SSUH2: variants seen among roughly 807,000 people sequenced by gnomAD.
SSUH2 encodes protein SSUH2 homolog.
In SSUH2, 47 loss-of-function variants were observed where a neutral mutation model predicts 55.3. The ratio of observed to expected loss-of-function variants is 0.85; its 90% confidence interval spans 0.67 to 1.08. SSUH2 has a LOEUF of 1.08. Among genes scored for constraint, SSUH2 ranks in the 50% least tolerant of loss-of-function variants. SSUH2 has a pLI of 0.00. For missense variants in SSUH2, 535 were observed against 490.7 expected (o/e 1.09, Z -0.85); for synonymous variants, 212 against 191.5 (o/e 1.11, Z -0.89).
rs776853247 is a variant in SSUH2, at chr3:8,626,345, C to A, written c.675-24G>T. 2.5e-6 allele frequency: 4 copies of A among 1,598,176 alleles called. No homozygotes were observed. The African/African-American group carries it at 4.0e-5, about 16-fold the overall frequency. ...ATCTGAGAAAGGCACAGAGTCCGTA[C>A]CCCCAGATCAGTTGCAGGTCCTGGT... is the stretch of plus-strand genomic sequence containing the variant. On this transcript the variant is annotated intron_variant, in intron 8 of 11. Coordinates refer to ENST00000544814, the MANE Select transcript of SSUH2 (RefSeq NM_001256748.3).
At chr3:8,662,851 C>A (rs1172514880) in intron 6 of SSUH2, among the ~76,000 whole-genome samples, 3 of 152,242 alleles carry the variant, frequency 2.0e-5, no homozygotes. Flanking sequence ...GAAGATGGCT[C>A]CAGGCTCCAG....
At chr3:8,636,282 T>G (rs1699913322) in intron 1 of SSUH2, among the ~76,000 whole-genome samples, 1 of 152,172 alleles carries the variant, frequency 6.6e-6, no homozygotes, top group Non-Finnish European at 1.5e-5. Flanking sequence ...TTTGGAACCC[T>G]GAGCTCTAAG....
Position 8,629,665 on chromosome 3 carries a change from G to T in SSUH2, c.587C>A (p.Thr196Lys). 1 of 1,075,506 alleles carries T rather than the reference G, an allele frequency of 9.3e-7. No homozygotes were observed. The highest frequency in any genetic ancestry group is 1.3e-6 in the Non-Finnish European group (1 of 752,282). The allele number at this position is 1,075,506 out of a possible 1,614,324, so 66.6% of individuals were successfully genotyped here. A position where few individuals can be genotyped will look rare whatever the true frequency, so the allele number is the denominator to read the frequency against. Residue 196 changes from threonine (T) to lysine (K), a missense_variant and splice_region_variant, in exon 7 of 12, where the codon ACG becomes AAG. Transcript: ENST00000544814. ...YKCSGCHGAG[T>K]VRCPSCCGAK... The stretch of plus-strand genomic sequence containing the variant: ...ACCAGTGGTTCACAGATGACTCACC[G>T]TGCCCGCCCCGTGGCAGCCGCTGCA...
chr3:8,642,471 G>A (rs55638794), intron 1 of SSUH2, among the ~76,000 whole-genome samples: 26 of 152,290 alleles, frequency 1.7e-4, no homozygotes, highest in Non-Finnish European at 2.6e-4. Flanking sequence ...GGACAGTCTC[G>A]ACTATAGAAA....
chr3:8,635,871 A>C lies in SSUH2; in HGVS notation c.29-14T>G. ...GGTCCACCACACCTGCAGAAAGACA[A>C]GCATTCCTAAGCCTTGGGTAGGGAG... On this transcript the variant is annotated splice_polypyrimidine_tract_variant and intron_variant, in intron 1 of 11. Coordinates refer to ENST00000544814, the MANE Select transcript of SSUH2 (RefSeq NM_001256748.3). 6.5e-7 allele frequency: 1 copy of C among 1,535,060 alleles called. No individual in the cohort carries two copies.
intron 3 of SSUH2, among the ~76,000 whole-genome samples, chr3:8,674,153 G>A (rs1704949094): frequency 1.3e-5 from 2 of 152,330 alleles, no homozygotes; most frequent in South Asian, 4.1e-4. Context: ...TGAACGTCAG[G>A]CCTGGCGAAA....
chr3:8,680,113 G>T (rs1408012340), intron 1 of SSUH2, among the ~76,000 whole-genome samples: 1 of 152,188 alleles, frequency 6.6e-6, no homozygotes, highest in Non-Finnish European at 1.5e-5. Context: ...ATGGCAGCTG[G>T]ACTTTTAACC....
chr3:8,633,782 T>C lies in SSUH2; in HGVS notation c.223A>G (p.Thr75Ala). The C allele has an allele frequency of 6.2e-7, 1 of 1,612,502 alleles. No individual in the cohort carries two copies. Among genetic ancestry groups the C allele is most frequent in the South Asian group, 1.1e-5 (1 of 91,040 alleles). ...SFLEHRVPAM[T>A]EEVAREALLS... is the part of the protein sequence containing the mutation. ...AGGGCTTCCCGGGCCACCTCCTCCG[T>C]CATCGCAGGGACTCTGCAGGGGACC... The change falls in exon 4 of 12, where the codon ACG (threonine) becomes GCG (alanine). Residue 75 changes from threonine to alanine, a missense_variant. Transcript: ENST00000544814.
chr3:8,650,784 C>T (rs1326901091), intron 7 of SSUH2, among the ~76,000 whole-genome samples: 1 of 152,200 alleles, frequency 6.6e-6, no homozygotes, highest in African/African-American at 2.4e-5. Flanking sequence ...CTGCTCCATC[C>T]GTGGCCTTGA....
In SSUH2 at chr3:8,656,709, T is replaced by C. The variant is rs372411284; in HGVS notation, c.-307+2216A>G. Among the ~76,000 whole-genome samples, 58 of 152,282 alleles carry C rather than the reference T, an allele frequency of 3.8e-4. 1 individual carries two copies. The South Asian group carries it at 7.9e-3, about 21-fold the overall frequency. ...GAGAATTGTTATTAGCCTCAGTTTATAAATGAGAAAACTGAGGCACAGGGA... is the reference window on the plus strand; with the variant it reads ...GAGAATTGTTATTAGCCTCAGTTTACAAATGAGAAAACTGAGGCACAGGGA... On this transcript the variant is annotated intron_variant, in intron 7 of 18. Transcript: ENST00000317371.
At chr3:8,678,463 C>T (rs996792491) in intron 2 of SSUH2, among the ~76,000 whole-genome samples, 2 of 151,602 alleles carry the variant, frequency 1.3e-5, no homozygotes, top group African/African-American at 2.4e-5. Context: ...TCTATCCCCC[C>T]CTGGCTCTTA....
At position 8,630,883 on chromosome 3, in the gene SSUH2, C is replaced by G; in HGVS notation, c.447G>C (p.Trp149Cys). 6.7e-7 allele frequency: 1 copy of G among 1,484,934 alleles called. No individual in the cohort carries two copies. The highest frequency in any genetic ancestry group is 8.9e-7 in the Non-Finnish European group (1 of 1,117,834). The allele number at this position is 1,484,934 out of a possible 1,614,324, so 92.0% of individuals were successfully genotyped here. A position where few individuals can be genotyped will look rare whatever the true frequency, so the allele number is the denominator to read the frequency against. ...TCGGAGGACCTTGAACCTTGATGTCCCAGAGCCTGGGGGAGGCGCCTCTTT... is the reference window on the plus strand; with the variant it reads ...TCGGAGGACCTTGAACCTTGATGTCGCAGAGCCTGGGGGAGGCGCCTCTTT... ...GPQRGASPRL[W>C]DIKVQGPPMF... The change falls in exon 6 of 12, where the codon TGG (tryptophan) becomes TGC (cysteine). Residue 149 changes from tryptophan (W) to cysteine (C), a missense_variant. By Grantham distance (215) the Trp-to-Cys change is radical. Coordinates refer to ENST00000544814, the MANE Select transcript of SSUH2 (RefSeq NM_001256748.3).
At chr3:8,634,307 CGACA>C (rs1293851165) in intron 3 of SSUH2, 2 of 1,098,028 alleles carry the variant, frequency 1.8e-6, no homozygotes, top group Non-Finnish European at 2.4e-6. Flanking sequence ...GTGGGTGGGA[CGACA>C]GACAGGGACC....
intron 3 of SSUH2, 28 bp downstream of exon 3, chr3:8,635,272 C>A: frequency 6.6e-7 from 1 of 1,509,574 alleles, no homozygotes; most frequent in African/African-American, 1.4e-5. Context: ...GAAATGCACA[C>A]AGTCACAGAG....
chr3:8,681,188 G>A (rs571276251), intron 1 of SSUH2, among the ~76,000 whole-genome samples: 2 of 142,344 alleles, frequency 1.4e-5, no homozygotes, highest in African/African-American at 5.2e-5. Flanking sequence ...CATGCAAGGC[G>A]GGGAATGAGA....
intron 7 of SSUH2, among the ~76,000 whole-genome samples, chr3:8,653,926 C>T (rs1375619245): frequency 6.6e-6 from 1 of 152,242 alleles, no homozygotes; most frequent in African/African-American, 2.4e-5. Flanking sequence ...AACCGTTCCC[C>T]TGCCTGTAAC....
At chr3:8,654,230 T>C (rs1232986324) in intron 7 of SSUH2, among the ~76,000 whole-genome samples, 4 of 152,134 alleles carry the variant, frequency 2.6e-5, no homozygotes, top group African/African-American at 9.7e-5. Context: ...ACTAATTCCA[T>C]CCTGGGGACC....
intron 5 of SSUH2, 36 bp downstream of exon 5, chr3:8,632,013 G>A: frequency 6.4e-7 from 1 of 1,554,206 alleles, no homozygotes; most frequent in Non-Finnish European, 8.9e-7. Context: ...TGACTTATTT[G>A]CCCCCAGTTA....
rs533706397 is a variant in SSUH2, at chr3:8,619,792, G to A, written c.*76C>T. The A allele has an allele frequency of 3.7e-5, 56 of 1,533,350 alleles. No individual in the cohort carries two copies. The highest frequency in any genetic ancestry group is 1.2e-5 in the South Asian group (1 of 80,756). 95.0% of individuals were successfully genotyped at this position (1,533,350 alleles called of 1,614,324 possible). ...ATGTGATTGTCCAATGCAGCCAACA[G>A]TGAACACACTCAGAGAGTGTCGGCC... On this transcript the variant is annotated 3_prime_UTR_variant, in exon 12 of 12. Transcript: ENST00000544814.
Sources: gnomAD v4.1 joint callset for allele counts (sites outside exome capture counted in the v4.1 genomes callset) on GRCh38, gnomAD v4.1.1 for gene constraint, MANE v1.5 for transcripts, NCBI Gene and HGNC (gene_info 2026-07-23, HGNC 2026-07-21) for gene names.